Variants in MTCL1 observed in about 807,000 individuals in gnomAD.
The protein encoded by MTCL1 is microtubule crosslinking factor 1.
Under a neutral mutation model 141.4 loss-of-function variants are expected in MTCL1, and 79 were observed. The ratio of observed to expected loss-of-function variants is 0.56; its 90% confidence interval spans 0.47 to 0.67. The LOEUF (loss-of-function observed/expected upper bound fraction) is 0.67. Among genes scored for constraint, MTCL1 ranks in the 30% least tolerant of loss-of-function variants. MTCL1 has a pLI of 0.00. For missense variants in MTCL1, 2,177 were observed against 2,113.9 expected (o/e 1.03, Z -0.59); for synonymous variants, 914 against 875.8 (o/e 1.04, Z -0.77).
intron 10 of MTCL1, among the ~76,000 whole-genome samples, chr18:8,803,557 A>G (rs2076193780): frequency 1.3e-5 from 2 of 152,118 alleles, no homozygotes; most frequent in African/African-American, 4.8e-5. Flanking sequence ...ACAGACATCC[A>G]CTTTTGCCGT....
chr18:8,767,398 A>G (rs1266797275), intron 4 of MTCL1, among the ~76,000 whole-genome samples: 3 of 152,204 alleles, frequency 2.0e-5, no homozygotes, highest in African/African-American at 7.2e-5. Context: ...TAAGTCGGAC[A>G]GGGTGTTATT....
intron 4 of MTCL1, among the ~76,000 whole-genome samples, chr18:8,721,032 A>G (rs959337004): frequency 1.3e-4 from 19 of 150,912 alleles, no homozygotes; most frequent in Non-Finnish European, 2.1e-4. Context: ...AAATATAGAC[A>G]TTTTTAAATT....
chr18:8,820,106 C>T (rs2076792398), intron 13 of MTCL1, among the ~76,000 whole-genome samples: 1 of 151,766 alleles, frequency 6.6e-6, no homozygotes, highest in Non-Finnish European at 1.5e-5. Flanking sequence ...TTTTTAAAAC[C>T]TTGTTTTAAA....
Position 8,822,399 on chromosome 18 carries a change from A to G in MTCL1, c.3188+901A>G, listed in dbSNP as rs540710554. ...AACCTCTGCCCCCTGGGTTCAAGCA[A>G]TTCTGCATCAGCCTCCCAAGTAGCT... On this transcript the variant is annotated intron_variant, in intron 14 of 16. Transcript: ENST00000359865. This position sits in a 1 kb window ranked among gnomAD's most constrained non-coding sequence, Gnocchi z 4.6. Among the ~76,000 whole-genome samples, 20 of 152,288 alleles carry G rather than the reference A, an allele frequency of 1.3e-4. No homozygotes were observed. In the South Asian group the frequency reaches 4.1e-3, roughly 32 times the overall value.
At chr18:8,742,425 T>C (rs576543069) in intron 4 of MTCL1, among the ~76,000 whole-genome samples, 2 of 152,288 alleles carry the variant, frequency 1.3e-5, no homozygotes, top group Admixed American at 1.3e-4. Flanking sequence ...GGGGAGGCCT[T>C]AGGAAACTTA....
intron 11 of MTCL1, chr18:8,809,742 C>A: frequency 1.1e-6 from 1 of 888,120 alleles, no homozygotes; most frequent in Non-Finnish European, 1.7e-6. Context: ...GGGCGATGGG[C>A]CATCACTGAG....
chr18:8,768,271 A>T (rs377233974), intron 4 of MTCL1, among the ~76,000 whole-genome samples: 1 of 152,230 alleles, frequency 6.6e-6, no homozygotes, highest in African/African-American at 2.4e-5. Flanking sequence ...TAAATGGTAG[A>T]TGCCTATTCA....
chr18:8,745,408 C>T (rs1195594123), intron 4 of MTCL1, among the ~76,000 whole-genome samples: 3 of 152,214 alleles, frequency 2.0e-5, no homozygotes, highest in African/African-American at 4.8e-5. Flanking sequence ...CATCCGTCTG[C>T]GGCATACTTC....
chr18:8,748,425 C>T (rs2096352610), intron 4 of MTCL1, among the ~76,000 whole-genome samples: 1 of 152,090 alleles, frequency 6.6e-6, no homozygotes, highest in Non-Finnish European at 1.5e-5. Flanking sequence ...CACCTGTGGT[C>T]CCAGCTACTT....
chr18:8,809,673 G>A (rs2076416405), intron 11 of MTCL1: 1 of 1,473,292 alleles, frequency 6.8e-7, no homozygotes, highest in Non-Finnish European at 9.0e-7. Context: ...GCCGGTTCAT[G>A]AGACGCCGTG....
At chr18:8,722,418 T>C (rs956097624) in intron 4 of MTCL1, among the ~76,000 whole-genome samples, 3 of 152,130 alleles carry the variant, frequency 2.0e-5, no homozygotes, top group Non-Finnish European at 4.4e-5. Context: ...GAAAATAATG[T>C]ATATAGCTTT....
At chr18:8,705,585 ACGCCGCCGCCGCCGC>A (rs529374906), upstream of MTCL1, 17 of 1,137,836 alleles carry the variant, frequency 1.5e-5, no homozygotes, top group African/African-American at 5.0e-5. The surrounding 1 kb of genome is among the most constrained non-coding windows in gnomAD (Gnocchi z 5.2). Flanking sequence ...GGGAGGCTGC[ACGCCGCCGCCGCCGC>A]CGCCGCCGCC....
Position 8,828,891 on chromosome 18 carries a change from C to G in MTCL1, c.4723-17C>G. 1 of 1,614,140 alleles carries G rather than the reference C, an allele frequency of 6.2e-7. No individual in the cohort carries two copies. The highest frequency in any genetic ancestry group is 1.1e-5 in the South Asian group (1 of 91,078). On this transcript the variant is annotated splice_polypyrimidine_tract_variant and intron_variant, in intron 15 of 16. Coordinates refer to ENST00000359865, the Ensembl canonical transcript of MTCL1. The surrounding 1 kb of genome is among the most constrained non-coding windows in gnomAD (Gnocchi z 5.2). ...ACCTTCTTGCTTTTCTTTTCTTTCT[C>G]TGTCTGTTCTGTCCAGAACCAAACT...
At chr18:8,726,634 C>G (rs2096217136) in intron 4 of MTCL1, among the ~76,000 whole-genome samples, 1 of 152,098 alleles carries the variant, frequency 6.6e-6, no homozygotes, top group South Asian at 2.1e-4. Context: ...CATAGAACAT[C>G]ACGCTGAGGG....
chr18:8,770,343 T>C (rs565789734), intron 4 of MTCL1, among the ~76,000 whole-genome samples: 1 of 152,338 alleles, frequency 6.6e-6, no homozygotes, highest in African/African-American at 2.4e-5. Context: ...TGTAACAAAA[T>C]ATCACAGGCT....
chr18:8,786,239 C>T (rs1475153148), intron 7 of MTCL1, 148 bp downstream of exon 6: 6 of 938,156 alleles, frequency 6.4e-6, no homozygotes, highest in Non-Finnish European at 1.0e-5. Flanking sequence ...GACAGCAAAC[C>T]CATTTTGTGG....
At position 8,830,460 on chromosome 18, in the gene MTCL1, G is replaced by A. The variant is rs947296273; in HGVS notation, c.*19-1147G>A. The A allele has an allele frequency of 4.1e-6, 4 of 985,664 alleles. No homozygotes were observed. The highest frequency in any genetic ancestry group is 3.6e-6 in the Non-Finnish European group (3 of 830,110). 61.1% of individuals were successfully genotyped at this position (985,664 alleles called of 1,614,324 possible). On this transcript the variant is annotated intron_variant, in intron 16 of 16. Transcript: ENST00000359865. This position sits in a 1 kb window ranked among gnomAD's most constrained non-coding sequence, Gnocchi z 6.4. ...TCCCACGCTGTCCTCGGGCCATGCT[G>A]TCTCTGCCGTGTTCCATCTTCTCCC...
chr18:8,718,054 T>C (rs2096141551), intron 2 of MTCL1: 2 of 834,504 alleles, frequency 2.4e-6, no homozygotes, highest in South Asian at 3.9e-5. Context: ...TCTTAGTACC[T>C]AGATTATGCC....
chr18:8,831,569 G>A (rs772443388), intron 16 of MTCL1, 38 bp from the exon 15 acceptor site: 370 of 1,541,864 alleles, frequency 2.4e-4, no homozygotes, highest in Non-Finnish European at 3.1e-4. Context: ...TGACACTGCC[G>A]GTCTGAGTAA....
Sources: gnomAD v4.1 joint callset for allele counts (sites outside exome capture counted in the v4.1 genomes callset) on GRCh38, gnomAD v4.1.1 for gene constraint, Gnocchi (gnomAD v3.1) non-coding constraint, MANE v1.5 for transcripts, NCBI Gene and HGNC (gene_info 2026-07-23, HGNC 2026-07-21) for gene names.